EFHC1: variants seen among roughly 807,000 people sequenced by gnomAD.
EFHC1 encodes EF-hand domain-containing protein 1.
EFHC1 carries 53 observed loss-of-function variants against 69.9 expected under a neutral mutation model. That is an observed-to-expected ratio of 0.76 (90% CI 0.61 to 0.95). EFHC1 has a LOEUF of 0.95. Among genes scored for constraint, EFHC1 ranks in the 40% least tolerant of loss-of-function variants. The pLI is 0.00. For synonymous variants in EFHC1, 256 were observed against 278.4 expected (o/e 0.92, Z 0.80); for missense variants, 739 against 798.7 (o/e 0.93, Z 0.90).
chr6:52,422,673 A>G (rs1483483691), intron 1 of EFHC1, among the ~76,000 whole-genome samples: 2 of 152,192 alleles, frequency 1.3e-5, no homozygotes, highest in African/African-American at 4.8e-5. Context: ...TAATTGTGAA[A>G]GTATCCTCAC....
chr6:52,451,631 A>G (rs1423747048), intron 3 of EFHC1, among the ~76,000 whole-genome samples: 2 of 152,138 alleles, frequency 1.3e-5, no homozygotes, highest in Admixed American at 6.5e-5. Flanking sequence ...ATCTCCTTGC[A>G]TAGAATCTTG....
chr6:52,473,242 C>T lies in EFHC1; in HGVS notation c.1278+3769C>T, dbSNP rs1207201243. Among the ~76,000 whole-genome samples, 3 of 152,106 alleles carry T rather than the reference C, an allele frequency of 2.0e-5. No homozygotes were observed. In the East Asian group the frequency reaches 5.8e-4, roughly 29 times the overall value. Reference sequence around the variant, plus strand: ...CCCAGGAAAAGACATATGACAAATACAGCACTGCAGAGGGGCTGGGAAAGG... The same window carrying T: ...CCCAGGAAAAGACATATGACAAATATAGCACTGCAGAGGGGCTGGGAAAGG... On this transcript the variant is annotated intron_variant, in intron 7 of 10. Transcript: ENST00000371068.
intron 5 of EFHC1, among the ~76,000 whole-genome samples, chr6:52,464,396 G>A (rs779095806): frequency 6.6e-6 from 1 of 152,124 alleles, no homozygotes; most frequent in African/African-American, 2.4e-5. Context: ...TCCCCAAAGA[G>A]AATATTTTCT....
chr6:52,469,216 G>C (rs1765379584), intron 6 of EFHC1, 117 bp from the exon 7 acceptor site: 10 of 1,330,972 alleles, frequency 7.5e-6, no homozygotes, highest in Non-Finnish European at 9.4e-6. Flanking sequence ...TGTTTATGTA[G>C]AAAATATATT....
chr6:52,449,256 G>T (rs532486651), intron 3 of EFHC1, among the ~76,000 whole-genome samples: 15 of 152,070 alleles, frequency 9.9e-5, no homozygotes, highest in Non-Finnish European at 2.1e-4. Context: ...GGTGGCAGGC[G>T]CCTGTAGTCC....
intron 3 of EFHC1, among the ~76,000 whole-genome samples, chr6:52,448,230 C>T (rs1252572519): frequency 6.6e-6 from 1 of 152,244 alleles, no homozygotes; most frequent in African/African-American, 2.4e-5. Context: ...CCAGTTCGAG[C>T]TTCCCAGCTG....
chr6:52,483,594 C>T (rs575205663), intron 9 of EFHC1: 3 of 152,226 alleles, frequency 2.0e-5, no homozygotes, highest in East Asian at 1.9e-4. Context: ...GTGTTCGCGT[C>T]GTTGCTGTGG....
At chr6:52,453,029 G>A in intron 4 of EFHC1, 192 bp downstream of exon 4, 1 of 1,528,904 alleles carries the variant, frequency 6.5e-7, no homozygotes, top group Non-Finnish European at 8.8e-7. Flanking sequence ...ATTTCATATG[G>A]AGATCCAAAG....
chr6:52,453,784 G>T, intron 4 of EFHC1: 1 of 1,276,094 alleles, frequency 7.8e-7, no homozygotes, highest in Non-Finnish European at 1.0e-6. Context: ...ACTATGTAAA[G>T]AACTTCATTG....
At position 52,455,809 on chromosome 6, in the gene EFHC1, G is replaced by T. The variant is rs534193347; in HGVS notation, c.916+1522G>T. On this transcript the variant is annotated intron_variant, in intron 5 of 10. Transcript: ENST00000371068. ...TTTTATGAAAAATGCAGTATTATTT[G>T]TGGGCAAGGAGTTGGAGGTTTCCAT... Among the ~76,000 whole-genome samples the T allele has an allele frequency of 4.6e-5, 7 of 152,292 alleles. No homozygotes were observed. In the East Asian group the frequency reaches 1.3e-3, roughly 29 times the overall value.
In EFHC1 at chr6:52,494,577, G is replaced by T. The variant is rs750430124; in HGVS notation, c.*2236G>T. 2.4e-5 allele frequency: 11 copies of T among 454,002 alleles called. No homozygotes were observed. The highest frequency in any genetic ancestry group is 2.2e-4 in the African/African-American group (11 of 50,004). The allele number at this position is 454,002 out of a possible 1,614,324, so 28.1% of individuals were successfully genotyped here. A position where few individuals can be genotyped will look rare whatever the true frequency, so the allele number is the denominator to read the frequency against. Reference sequence around the variant, plus strand: ...CGAAAGGCTGACTCTTTCTCCCAGAGCACCTTTTCTCTCTTTTTGGATTCA... The same window carrying T: ...CGAAAGGCTGACTCTTTCTCCCAGATCACCTTTTCTCTCTTTTTGGATTCA... On this transcript the variant is annotated 3_prime_UTR_variant, in exon 11 of 11. Transcript: ENST00000371068.
Position 52,496,439 on chromosome 6 carries a change from A to G in EFHC1, c.*4098A>G, listed in dbSNP as rs1581860302. The G allele has an allele frequency of 6.6e-6, 1 of 152,100 alleles. No homozygotes were observed. Among genetic ancestry groups the G allele is most frequent in the Non-Finnish European group, 1.5e-5 (1 of 68,014 alleles). 9.4% of individuals were successfully genotyped at this position (152,100 alleles called of 1,614,324 possible). Reference sequence around the variant, plus strand: ...CAGGGGGCCTTGAAAATACCATCCAATTAAGGTGTATCAAATCCATATCTA... The same window carrying G: ...CAGGGGGCCTTGAAAATACCATCCAGTTAAGGTGTATCAAATCCATATCTA... On this transcript the variant is annotated 3_prime_UTR_variant, in exon 11 of 11. Coordinates refer to ENST00000371068, the MANE Select transcript of EFHC1 (RefSeq NM_018100.4).
At chr6:52,433,097 T>C (rs1365492250) in intron 2 of EFHC1, among the ~76,000 whole-genome samples, 1 of 152,136 alleles carries the variant, frequency 6.6e-6, no homozygotes, top group Non-Finnish European at 1.5e-5. Flanking sequence ...CTTGTATCTT[T>C]TTTATTTCCT....
intron 7 of EFHC1, among the ~76,000 whole-genome samples, chr6:52,475,389 T>C (rs898081726): frequency 6.6e-6 from 1 of 152,210 alleles, no homozygotes; most frequent in Non-Finnish European, 1.5e-5. Context: ...GGATGTGTTC[T>C]GAGAAAATAA....
intron 6 of EFHC1, among the ~76,000 whole-genome samples, chr6:52,467,276 G>C (rs1234586064): frequency 1.3e-5 from 2 of 151,594 alleles, no homozygotes; most frequent in Non-Finnish European, 2.9e-5. Flanking sequence ...CCACCTCCCA[G>C]GTTCAAGCGA....
At chr6:52,450,957 C>G (rs1448947736) in intron 3 of EFHC1, among the ~76,000 whole-genome samples, 1 of 151,998 alleles carries the variant, frequency 6.6e-6, no homozygotes, top group Non-Finnish European at 1.5e-5. Flanking sequence ...TACCACCATG[C>G]CTGGCTAATT....
Position 52,490,166 on chromosome 6 carries a change from T to C in EFHC1, c.1667T>C (p.Val556Ala), listed in dbSNP as rs543750772. The C allele has an allele frequency of 2.5e-6, 4 of 1,613,924 alleles. No homozygotes were observed. The African/African-American group carries it at 5.3e-5, about 22-fold the overall frequency. Reference protein sequence around the residue: ...ESKQTEKDPGVQELEALIDTI... With the variant: ...ESKQTEKDPGAQELEALIDTI... Reference sequence around the variant, plus strand: ...AAGCAAACTGAAAAGGATCCAGGCGTGCAGGAATTGGAAGCATTAATAGAC... The same window carrying C: ...AAGCAAACTGAAAAGGATCCAGGCGCGCAGGAATTGGAAGCATTAATAGAC... Residue 556 changes from valine to alanine, a missense_variant, in exon 10 of 11, where the codon GTG becomes GCG. Val to Ala is a moderately conservative substitution (Grantham distance 64). Coordinates refer to ENST00000371068, the MANE Select transcript of EFHC1 (RefSeq NM_018100.4).
chr6:52,456,019 C>T lies in EFHC1; in HGVS notation c.916+1732C>T, dbSNP rs1225256970. On this transcript the variant is annotated intron_variant, in intron 5 of 10. Transcript: ENST00000371068. ...TATAACACATGCAAAACATAGTACACGTAGGACACATTCAGTCACATAGCT... is the reference window on the plus strand; with the variant it reads ...TATAACACATGCAAAACATAGTACATGTAGGACACATTCAGTCACATAGCT... Among the ~76,000 whole-genome samples, 7 of 151,932 alleles carry T rather than the reference C, an allele frequency of 4.6e-5. No homozygotes were observed. In the East Asian group the frequency reaches 5.8e-4, roughly 13 times the overall value.
intron 1 of EFHC1, 38 bp from the exon 2 acceptor site, chr6:52,423,908 G>A: frequency 6.2e-7 from 1 of 1,609,532 alleles, no homozygotes; most frequent in Non-Finnish European, 8.5e-7. Flanking sequence ...ACAAATATTT[G>A]TCTAATGTTA....
Sources: gnomAD v4.1 joint callset for allele counts (sites outside exome capture counted in the v4.1 genomes callset) on GRCh38, gnomAD v4.1.1 for gene constraint, MANE v1.5 for transcripts, NCBI Gene and HGNC (gene_info 2026-07-23, HGNC 2026-07-21) for gene names.